The following FGF12 variants were observed in gnomAD, a reference collection of about 807,000 sequenced individuals.
FGF12 encodes the protein fibroblast growth factor 12B.
A neutral mutation model predicts 23.6 loss-of-function variants in FGF12; 14 were observed. That is an observed-to-expected ratio of 0.59 (90% CI 0.39 to 0.93). FGF12 has a LOEUF of 0.93. Ranked by LOEUF, FGF12 falls within the 40% of genes least tolerant of loss-of-function variation. The pLI is 0.00. For synonymous variants in FGF12, 62 were observed against 77.3 expected (o/e 0.80, Z 1.04); for missense variants, 175 against 217.8 (o/e 0.80, Z 1.24).
At chr3:192,597,145 T>C (rs1713890933) in intron 2 of FGF12, among the ~76,000 whole-genome samples, 1 of 152,054 alleles carries the variant, frequency 6.6e-6, no homozygotes, top group African/African-American at 2.4e-5. Flanking sequence ...GTAGTGAGAG[T>C]GCACAATAAG....
At chr3:192,705,099 G>A (rs1377704841) in intron 2 of FGF12, among the ~76,000 whole-genome samples, 4 of 152,164 alleles carry the variant, frequency 2.6e-5, no homozygotes, top group Non-Finnish European at 5.9e-5. Context: ...TATCCTTCCT[G>A]TGTTCACTGG....
intron 4 of FGF12, among the ~76,000 whole-genome samples, chr3:192,309,047 A>T (rs1377637883): frequency 6.6e-6 from 1 of 152,244 alleles, no homozygotes; most frequent in East Asian, 1.9e-4. Context: ...TAAATTAAAG[A>T]ATCACCCTCA....
At chr3:192,227,756 A>G (rs1443060457) in intron 4 of FGF12, among the ~76,000 whole-genome samples, 1 of 152,154 alleles carries the variant, frequency 6.6e-6, no homozygotes, top group Non-Finnish European at 1.5e-5. Context: ...CAGGTCAATT[A>G]CTTCTTATTG....
At chr3:192,367,528 C>A (rs1719036870) in intron 2 of FGF12, among the ~76,000 whole-genome samples, 1 of 152,134 alleles carries the variant, frequency 6.6e-6, no homozygotes, top group Admixed American at 6.6e-5. Flanking sequence ...TATTTACATA[C>A]CATAAACCAA....
At chr3:192,428,562 C>A (rs1339498607) in intron 2 of FGF12, among the ~76,000 whole-genome samples, 1 of 152,074 alleles carries the variant, frequency 6.6e-6, no homozygotes, top group East Asian at 1.9e-4. Flanking sequence ...TATAAATGAT[C>A]TAAAACTTGA....
At chr3:192,571,887 T>C (rs1313404149) in intron 2 of FGF12, among the ~76,000 whole-genome samples, 1 of 151,962 alleles carries the variant, frequency 6.6e-6, no homozygotes, top group Admixed American at 6.6e-5. Flanking sequence ...TAGGAGTCTT[T>C]GCCCCTCCTG....
At chr3:192,501,097 G>A (rs1387689440) in intron 2 of FGF12, among the ~76,000 whole-genome samples, 1 of 152,024 alleles carries the variant, frequency 6.6e-6, no homozygotes, top group Non-Finnish European at 1.5e-5. Flanking sequence ...AGTAAAGTTA[G>A]ATATAATTTA....
chr3:192,673,471 T>C, intron 2 of FGF12, among the ~76,000 whole-genome samples: 1 of 150,958 alleles, frequency 6.6e-6, no homozygotes. Flanking sequence ...TGGTTTGCTG[T>C]ACCTGTCAAC....
intron 2 of FGF12, among the ~76,000 whole-genome samples, chr3:192,686,815 A>ATTTTTTTTTTTTTTTTTTTT (rs57045697): frequency 1.6e-5 from 1 of 61,434 alleles, no homozygotes; most frequent in African/African-American, 8.2e-5. Flanking sequence ...TTTTTCTCTA[A>ATTTTTTTTTTTTTTTTTTTT]TTTTTTTTTT....
chr3:192,341,135 A>G (rs1421167922), intron 3 of FGF12, among the ~76,000 whole-genome samples: 1 of 152,166 alleles, frequency 6.6e-6, no homozygotes, highest in African/African-American at 2.4e-5. Context: ...AAATAAGCCA[A>G]TTAAAAAATG....
At chr3:192,590,709 C>T (rs1227781093) in intron 2 of FGF12, among the ~76,000 whole-genome samples, 1 of 151,968 alleles carries the variant, frequency 6.6e-6, no homozygotes, top group Non-Finnish European at 1.5e-5. Context: ...CTGTACCACA[C>T]ATCTAGCAGA....
rs148707227 is a variant in FGF12 at position 192,496,008 on chromosome 3, A to G, written c.14-135470T>C. On this transcript the variant is annotated intron_variant, in intron 2 of 5. Transcript: ENST00000445105. Reference sequence around the variant, plus strand: ...AGGAAACCATTTGTTAAAATCCATGATTAAAGTTTTTCTAATCATAAATAG... The same window carrying G: ...AGGAAACCATTTGTTAAAATCCATGGTTAAAGTTTTTCTAATCATAAATAG... Among the ~76,000 whole-genome samples, 389 of 152,268 alleles carry G rather than the reference A, an allele frequency of 2.6e-3. 2 individuals are homozygous for G. Among genetic ancestry groups the G allele is most frequent in the African/African-American group, 8.8e-3 (364 of 41,564 alleles).
At chr3:192,641,779 C>G (rs953803896) in intron 2 of FGF12, among the ~76,000 whole-genome samples, 1 of 152,114 alleles carries the variant, frequency 6.6e-6, no homozygotes, top group Non-Finnish European at 1.5e-5. Context: ...TTCAAATTTC[C>G]ATGCTCCTAA....
chr3:192,228,320 T>C (rs1022464273), intron 4 of FGF12, among the ~76,000 whole-genome samples: 55 of 152,098 alleles, frequency 3.6e-4, no homozygotes, highest in African/African-American at 1.3e-3. Flanking sequence ...GCATTACCCA[T>C]CACAGTGGTA....
intron 3 of FGF12, among the ~76,000 whole-genome samples, chr3:192,347,951 C>T (rs995502814): frequency 2.0e-5 from 3 of 152,096 alleles, no homozygotes; most frequent in Non-Finnish European, 4.4e-5. Context: ...AAACTAATTG[C>T]CCAAGTTTAT....
intron 2 of FGF12, among the ~76,000 whole-genome samples, chr3:192,576,679 A>C (rs755730970): frequency 5.9e-5 from 9 of 152,208 alleles, no homozygotes; most frequent in Non-Finnish European, 1.5e-5. Context: ...TTTTAATATT[A>C]AGTTTGAAAG....
chr3:192,309,114 T>C (rs996188747), intron 4 of FGF12, among the ~76,000 whole-genome samples: 1 of 152,166 alleles, frequency 6.6e-6, no homozygotes, highest in Admixed American at 6.5e-5. Flanking sequence ...AAAGCAAAGA[T>C]GTAACCATAA....
At chr3:192,397,268 A>G (rs1720565293) in intron 2 of FGF12, among the ~76,000 whole-genome samples, 1 of 152,220 alleles carries the variant, frequency 6.6e-6, no homozygotes, top group African/African-American at 2.4e-5. Context: ...GCAGAGGATA[A>G]TGGCCCAGGG....
intron 5 of FGF12, among the ~76,000 whole-genome samples, chr3:192,153,292 T>C (rs1714168049): frequency 2.1e-5 from 1 of 47,972 alleles, no homozygotes; most frequent in Non-Finnish European, 4.5e-5. Flanking sequence ...TGTCTTTTAA[T>C]TGGAGCATTT....
Sources: gnomAD v4.1 joint callset for allele counts (sites outside exome capture counted in the v4.1 genomes callset) on GRCh38, gnomAD v4.1.1 for gene constraint, MANE v1.5 for transcripts, NCBI Gene and HGNC (gene_info 2026-07-23, HGNC 2026-07-21) for gene names.